Variants in HUWE1 observed in about 807,000 individuals in gnomAD.
The protein encoded by HUWE1 is HECT, UBA and WWE domain containing E3 ubiquitin protein ligase 1.
Under a neutral mutation model 299.4 loss-of-function variants are expected in HUWE1, and 18 were observed. The observed-to-expected ratio is 0.06, with a 90% CI of 0.04 to 0.09. HUWE1 has a LOEUF of 0.09. Ranked by LOEUF, HUWE1 falls within the 10% of genes least tolerant of loss-of-function variation. HUWE1 has a pLI of 1.00. For synonymous variants in HUWE1, 1,317 were observed against 1,286.1 expected (o/e 1.02, Z -0.51); for missense variants, 1,832 against 3,462.3 (o/e 0.53, Z 11.82).
intron 19 of HUWE1, among the ~76,000 whole-genome samples, chrX:53,622,867 G>A (rs2066237581): frequency 8.9e-6 from 1 of 112,084 alleles, no homozygotes; most frequent in Non-Finnish European, 1.9e-5. Context: ...CCTTCCACCT[G>A]GAGTGAAAGG....
chrX:53,669,188 A>G (rs2069396244), intron 3 of HUWE1, among the ~76,000 whole-genome samples: 1 of 112,308 alleles, frequency 8.9e-6, no homozygotes. Context: ...CAGGTTTGTT[A>G]TGAGGCTCAA....
In HUWE1 at chrX:53,536,655, A is replaced by G; in HGVS notation, c.12150T>C (p.Phe4050=). Residue 4050 remains phenylalanine (F), a synonymous_variant, in exon 79 of 84, where the codon TTT becomes TTC. Coordinates refer to ENST00000262854, the MANE Select transcript of HUWE1 (RefSeq NM_031407.7). ...EEMKNRLYIV[F]EGEEGQDAGG... is the part of the protein sequence containing the mutation. The stretch of plus-strand genomic sequence containing the variant: ...CAGCATCCTGCCCTTCTTCTCCTTC[A>G]AATACTATATACCTGCATAAGAAAG... 1 of 1,209,125 alleles carries G rather than the reference A, an allele frequency of 8.3e-7. No individual in the cohort carries two copies. The highest frequency in any genetic ancestry group is 1.1e-6 in the Non-Finnish European group (1 of 893,303).
At chrX:53,575,545 A>T in intron 45 of HUWE1, 98 bp downstream of exon 45, 1 of 920,490 alleles carries the variant, frequency 1.1e-6, no homozygotes, top group Non-Finnish European at 1.6e-6. Context: ...CATCACAATT[A>T]ATATCTTTGA....
intron 44 of HUWE1, among the ~76,000 whole-genome samples, 168 bp downstream of exon 44, chrX:53,576,732 T>C (rs1418563590): frequency 8.9e-6 from 1 of 112,337 alleles, no homozygotes; most frequent in African/African-American, 3.2e-5. Flanking sequence ...TGTCATACTA[T>C]ATGACTATTA....
intron 3 of HUWE1, among the ~76,000 whole-genome samples, chrX:53,659,420 A>C (rs1206291539): frequency 8.9e-6 from 1 of 111,744 alleles, no homozygotes; most frequent in African/African-American, 3.3e-5. Flanking sequence ...AATGCATATT[A>C]GTAAGTGAAA....
chrX:53,593,032 G>T (rs1163515990), intron 32 of HUWE1, among the ~76,000 whole-genome samples: 1 of 112,108 alleles, frequency 8.9e-6, no homozygotes, highest in Non-Finnish European at 1.9e-5. Context: ...GGCCTCCCTA[G>T]AAGCCCAGCA....
intron 47 of HUWE1, 72 bp from the exon 48 acceptor site, chrX:53,569,899 TACAC>T: frequency 1.2e-6 from 1 of 862,560 alleles, no homozygotes; most frequent in Non-Finnish European, 1.7e-6. Flanking sequence ...GGACCAAAGA[TACAC>T]ACACACATAG....
chrX:53,590,270 G>C, intron 35 of HUWE1, 134 bp downstream of exon 35: 2 of 546,281 alleles, frequency 3.7e-6, no homozygotes, highest in Non-Finnish European at 6.6e-6. Flanking sequence ...GGCAAAGCTG[G>C]GATGAATTAG....
chrX:53,547,301 T>C (rs1256874885), intron 68 of HUWE1, among the ~76,000 whole-genome samples: 19 of 112,070 alleles, frequency 1.7e-4, no homozygotes, highest in Admixed American at 6.6e-4. Context: ...CTATTTCCCA[T>C]GAGAACTGGC....
At chrX:53,590,835 G>A (rs1320737241) in intron 34 of HUWE1, among the ~76,000 whole-genome samples, 165 bp downstream of exon 34, 1 of 112,137 alleles carries the variant, frequency 8.9e-6, no homozygotes, top group Non-Finnish European at 1.9e-5. Context: ...ATTGCTGGGG[G>A]ACAGAAAACT....
Position 53,536,335 on chromosome X carries a change from AC to A in HUWE1, c.12425+44del, listed in dbSNP as rs782405497. 1.2e-5 allele frequency: 14 copies of A among 1,185,498 alleles called. No homozygotes were observed. The Admixed American group carries it at 2.6e-4, about 22-fold the overall frequency. ...CAAGGATGGGACACAAAAAGACCAG[AC>A]CCCCAGGACTGAAGACAGTCCCAGG... On this transcript the variant is annotated intron_variant, in intron 79 of 83. Transcript: ENST00000262854.
rs1602747267 is a variant in HUWE1 at position 53,575,295 on chromosome X, C to A, written c.6031-74G>T. Reference sequence around the variant, plus strand: ...GTCTGCAAATGGCAGAACTCCTTCCCAGGGCACTGGCTGGGAATGCCACAG... The same window carrying A: ...GTCTGCAAATGGCAGAACTCCTTCCAAGGGCACTGGCTGGGAATGCCACAG... On this transcript the variant is annotated intron_variant, in intron 45 of 83. Coordinates refer to ENST00000262854, the MANE Select transcript of HUWE1 (RefSeq NM_031407.7). 8 of 779,169 alleles carry A rather than the reference C, an allele frequency of 1.0e-5. No homozygotes were observed. In the East Asian group the frequency reaches 2.6e-4, roughly 26 times the overall value. 64.2% of individuals were successfully genotyped at this position (779,169 alleles called of 1,213,427 possible).
At chrX:53,576,838 T>C (rs1168126753) in intron 44 of HUWE1, 62 bp downstream of exon 44, 3 of 1,154,131 alleles carry the variant, frequency 2.6e-6, no homozygotes, top group Non-Finnish European at 3.6e-6. Context: ...TTGGCTGAAA[T>C]GACCCAGGCA....
In HUWE1 at chrX:53,562,257, G is replaced by T; in HGVS notation, c.7205-13C>A. 8.3e-7 allele frequency: 1 copy of T among 1,207,355 alleles called. No homozygotes were observed. Among genetic ancestry groups the T allele is most frequent in the Non-Finnish European group, 1.1e-6 (1 of 893,247 alleles). On this transcript the variant is annotated splice_polypyrimidine_tract_variant and intron_variant, in intron 53 of 83. Transcript: ENST00000262854. ...ATATTCATGGAATCTAAAACAAAGG[G>T]AGCACATTGGAGGACTAAACTGAGT...
chrX:53,676,464 G>C (rs976939966), intron 3 of HUWE1, among the ~76,000 whole-genome samples: 1 of 111,767 alleles, frequency 8.9e-6, no homozygotes. Context: ...AGGCAGGCTA[G>C]GGAGGTTAAG....
chrX:53,546,452 G>T lies in HUWE1; in HGVS notation c.10899C>A (p.Thr3633=), dbSNP rs782598711. 2 of 1,210,429 alleles carry T rather than the reference G, an allele frequency of 1.7e-6. No homozygotes were observed. The highest frequency in any genetic ancestry group is 1.1e-6 in the Non-Finnish European group (1 of 894,699). The change falls in exon 70 of 84, where the codon ACC becomes ACA. Residue 3633 remains threonine (T), a synonymous_variant. Transcript: ENST00000262854. The stretch of plus-strand genomic sequence containing the variant: ...TGCTATTACCTATTTGTTTACAAAG[G>T]GTATAACCCAGATGGCGGGCTCCAT... ...LLNGARHLGY[T]LCKQIGTLLA...
chrX:53,642,949 G>A (rs782147230), intron 7 of HUWE1, among the ~76,000 whole-genome samples: 1 of 112,334 alleles, frequency 8.9e-6, no homozygotes, highest in African/African-American at 3.2e-5. Flanking sequence ...ATGCAGACCA[G>A]CTGCTTGCTA....
intron 75 of HUWE1, 47 bp from the exon 76 acceptor site, chrX:53,539,127 C>G (rs1556916074): frequency 5.2e-6 from 6 of 1,153,483 alleles, no homozygotes; most frequent in Non-Finnish European, 5.9e-6. Flanking sequence ...CTGCAAACTT[C>G]AACATGCAAA....
chrX:53,578,874 C>T (rs1556963074), intron 43 of HUWE1, among the ~76,000 whole-genome samples: 4 of 77,674 alleles, frequency 5.1e-5, no homozygotes, highest in Non-Finnish European at 1.0e-4. Context: ...GCCCCCCGCC[C>T]GGCCAGCCGC....
Sources: gnomAD v4.1 joint callset for allele counts (sites outside exome capture counted in the v4.1 genomes callset) on GRCh38, gnomAD v4.1.1 for gene constraint, MANE v1.5 for transcripts, NCBI Gene and HGNC (gene_info 2026-07-23, HGNC 2026-07-21) for gene names.